ROS1: variants seen among roughly 807,000 people sequenced by gnomAD.
ROS1 encodes ROS proto-oncogene 1, receptor tyrosine kinase, also known as proto-oncogene tyrosine-protein kinase ROS.
In ROS1, 263 loss-of-function variants were observed where a neutral mutation model predicts 273.5. That is an observed-to-expected ratio of 0.96 (90% confidence interval 0.87 to 1.06). The LOEUF is 1.06. ROS1 is among the 50% of genes least tolerant of loss of function. The pLI is 0.00. For missense variants in ROS1, 2,833 were observed against 2,751.1 expected (o/e 1.03, Z -0.67); for synonymous variants, 1,008 against 954.1 (o/e 1.06, Z -1.04).
At chr6:117,303,682 T>G (rs1044548587) in intron 42 of ROS1, among the ~76,000 whole-genome samples, 1 of 152,208 alleles carries the variant, frequency 6.6e-6, no homozygotes, top group Non-Finnish European at 1.5e-5. Flanking sequence ...TCAAGATTTT[T>G]AAGCGGACAT....
chr6:117,290,163 C>T (rs1293308803), intron 43 of ROS1, among the ~76,000 whole-genome samples: 1 of 152,154 alleles, frequency 6.6e-6, no homozygotes, highest in Non-Finnish European at 1.5e-5. Context: ...AAACTTCCTA[C>T]TAAAACATGA....
At chr6:117,347,956 C>T (rs1407398952) in intron 27 of ROS1, among the ~76,000 whole-genome samples, 4 of 151,946 alleles carry the variant, frequency 2.6e-5, no homozygotes, top group Non-Finnish European at 5.9e-5. Context: ...ATATATTGCT[C>T]GATTTGATTT....
intron 27 of ROS1, among the ~76,000 whole-genome samples, chr6:117,348,625 T>C (rs1269182132): frequency 6.6e-6 from 1 of 151,878 alleles, no homozygotes; most frequent in Non-Finnish European, 1.5e-5. Flanking sequence ...TGTTTTAGTT[T>C]TGTTTCTTAT....
chr6:117,371,226 T>C (rs921133803), intron 18 of ROS1, among the ~76,000 whole-genome samples: 1 of 152,160 alleles, frequency 6.6e-6, no homozygotes, highest in Non-Finnish European at 1.5e-5. Context: ...CTTGCTGCTG[T>C]AGGCTTTGTG....
intron 4 of ROS1, among the ~76,000 whole-genome samples, chr6:117,412,665 A>C (rs562465415): frequency 6.6e-6 from 1 of 152,268 alleles, no homozygotes; most frequent in African/African-American, 2.4e-5. Context: ...GTTCAGTTCT[A>C]CTTTATTTAA....
chr6:117,362,707 T>C lies in ROS1; in HGVS notation c.3262A>G (p.Ile1088Val), dbSNP rs758142339. The change falls in exon 22 of 44, where the codon ATT becomes GTT. Residue 1088 changes from isoleucine to valine, a missense_variant. By Grantham distance (29) the Ile-to-Val change is conservative. Transcript: ENST00000368507. ...CAGTCTTCACATGTTTTGTTTGTAA[T>C]ACTTTGATTGGATATATTGTAGAAA... ...EIFYNISNQSITNKTCEDWIA... is the reference protein window; with the variant it reads ...EIFYNISNQSVTNKTCEDWIA... 3.7e-6 allele frequency: 6 copies of C among 1,613,704 alleles called. 1 individual carries two copies. The South Asian group carries it at 6.6e-5, about 18-fold the overall frequency.
At chr6:117,299,162 T>C (rs1375263455) in intron 43 of ROS1, among the ~76,000 whole-genome samples, 1 of 152,236 alleles carries the variant, frequency 6.6e-6, no homozygotes, top group African/African-American at 2.4e-5. Flanking sequence ...TTATGACGCA[T>C]GGCCAAGGCA....
chr6:117,295,226 A>G (rs903191102), intron 43 of ROS1, among the ~76,000 whole-genome samples: 2 of 152,230 alleles, frequency 1.3e-5, no homozygotes, highest in African/African-American at 4.8e-5. Context: ...TGCCAAGAAC[A>G]TCTACTGGGG....
intron 6 of ROS1, among the ~76,000 whole-genome samples, chr6:117,403,672 A>G (rs1774141975): frequency 6.6e-6 from 1 of 151,978 alleles, no homozygotes. Context: ...CCTCCATCCT[A>G]GCTAGACTCA....
rs568783838 is a variant in ROS1 at position 117,319,420 on chromosome 6, G to GT, written c.5922+447dup. Among the ~76,000 whole-genome samples the GT allele has an allele frequency of 3.4e-4, 51 of 152,212 alleles. 1 individual carries two copies. The South Asian group carries it at 0.01, about 31-fold the overall frequency. On this transcript the variant is annotated intron_variant, in intron 37 of 43. Transcript: ENST00000368507. ...TCAAATTTCAGTGTTCATAAGTAAA[G>GT]TTTTATTGGTACACAGCCACACTCA...
In ROS1 at chr6:117,387,836, G is replaced by A. The variant is rs34203286; in HGVS notation, c.1943C>T (p.Ser648Phe). 7,599 of 1,614,150 alleles carry A rather than the reference G, an allele frequency of 4.7e-3. 18 individuals carry two copies. Among genetic ancestry groups the A allele is most frequent in the Middle Eastern group, 5.4e-3 (33 of 6,062 alleles). ...MKYKVSVRAS[S>F]PKRPGPWSEP... ...TGACCAGGGGCCTGGCCTCTTTGGA[G>A]AACTTGCTCTCACAGAAACCTTGTA... The change falls in exon 14 of 44, where the codon TCT (serine) becomes TTT (phenylalanine). Residue 648 changes from serine (S) to phenylalanine (F), a missense_variant. Ser to Phe is a radical substitution (Grantham distance 155). Coordinates refer to ENST00000368507, the MANE Select transcript of ROS1 (RefSeq NM_001378902.1).
chr6:117,422,018 CCTTT>C lies in ROS1; in HGVS notation c.123+3512_124-3513del, dbSNP rs1582913035. Among the ~76,000 whole-genome samples the C allele has an allele frequency of 2.6e-5, 4 of 152,142 alleles. No homozygotes were observed. In the East Asian group the frequency reaches 7.7e-4, roughly 29 times the overall value. On this transcript the variant is annotated intron_variant, in intron 1 of 43. Coordinates refer to ENST00000368507, the MANE Select transcript of ROS1 (RefSeq NM_001378902.1). Reference sequence around the variant, plus strand: ...ATTTGTCTGTTTGCATTTAAGTAAACCTTTCTGTTTTTGTTTCTTAGAAACAGAG... The same window carrying C: ...ATTTGTCTGTTTGCATTTAAGTAAACCTGTTTTTGTTTCTTAGAAACAGAG...
chr6:117,342,201 A>G (rs3756891), intron 29 of ROS1, among the ~76,000 whole-genome samples, 199 bp downstream of exon 29: 16,279 of 152,192 alleles, frequency 0.11, 963 homozygotes, highest in Middle Eastern at 0.15. Context: ...TTTCTATTTT[A>G]ATAGAATATT....
chr6:117,401,432 C>G (rs573743021), intron 7 of ROS1, among the ~76,000 whole-genome samples: 2 of 152,192 alleles, frequency 1.3e-5, no homozygotes, highest in African/African-American at 4.8e-5. Flanking sequence ...TGTGTCACAT[C>G]GCACTTCCTA....
chr6:117,390,909 T>C (rs1474015513), intron 12 of ROS1, among the ~76,000 whole-genome samples: 1 of 152,156 alleles, frequency 6.6e-6, no homozygotes, highest in Non-Finnish European at 1.5e-5. Flanking sequence ...AATATGTAAA[T>C]AAACTTTTAA....
chr6:117,417,749 T>C (rs1017995108), intron 2 of ROS1, among the ~76,000 whole-genome samples: 1 of 152,226 alleles, frequency 6.6e-6, no homozygotes, highest in African/African-American at 2.4e-5. Context: ...CACACCTTTG[T>C]GTCTTGACAA....
intron 39 of ROS1, among the ~76,000 whole-genome samples, chr6:117,314,570 A>T (rs116280196): frequency 0.019 from 2,919 of 152,274 alleles, 80 homozygotes; most frequent in African/African-American, 0.064. Context: ...ACAAATAAAA[A>T]CAACAGAAAC....
intron 18 of ROS1, 148 bp from the exon 19 acceptor site, chr6:117,366,438 CT>C (rs1231244994): frequency 1.6e-6 from 1 of 624,882 alleles, no homozygotes; most frequent in South Asian, 2.1e-5. Context: ...CGATTATTGT[CT>C]TTTTTTGTTT....
intron 26 of ROS1, among the ~76,000 whole-genome samples, chr6:117,355,916 T>G (rs1779270995): frequency 6.6e-6 from 1 of 152,102 alleles, no homozygotes; most frequent in Non-Finnish European, 1.5e-5. Context: ...TGGCCTTAAT[T>G]TCAATTAATT....
Sources: allele counts gnomAD v4.1 joint callset (sites outside exome capture counted in the v4.1 genomes callset), GRCh38; gene constraint gnomAD v4.1.1; transcripts MANE v1.5; gene names NCBI Gene and HGNC (gene_info 2026-07-23, HGNC 2026-07-21).